MARCHF10: variants seen among roughly 807,000 people sequenced by gnomAD.
MARCHF10 encodes the protein membrane associated ring-CH-type finger 10, also known as probable E3 ubiquitin-protein ligase MARCHF10.
MARCHF10 carries 64 observed loss-of-function variants against 76.2 expected under a neutral mutation model. The ratio of observed to expected loss-of-function variants is 0.84; its 90% CI spans 0.69 to 1.03. The LOEUF is 1.03. MARCHF10 is among the 50% of genes least tolerant of loss of function. The pLI is 0.00. For missense variants in MARCHF10, 875 were observed against 958.0 expected, an observed-to-expected ratio of 0.91 and a Z score of 1.14; for synonymous variants, 340 against 357.5, an observed-to-expected ratio of 0.95 and a Z score of 0.55.
chr17:62,742,704 C>CT (rs1236454033), intron 5 of MARCHF10, among the ~76,000 whole-genome samples: 1,716 of 36,990 alleles, frequency 0.046, 32 homozygotes, highest in African/African-American at 0.08. Flanking sequence ...TTTCTTTTTT[C>CT]TTTTTTTTTT....
At chr17:62,777,600 T>A (rs1008049661) in intron 3 of MARCHF10, among the ~76,000 whole-genome samples, 3 of 149,392 alleles carry the variant, frequency 2.0e-5, no homozygotes, top group African/African-American at 7.4e-5. Flanking sequence ...GTGCCTGTAA[T>A]CCCAGATACT....
rs2089534060 is a variant in MARCHF10, at chr17:62,705,598, A to G, written c.2329-17T>C. 6.2e-7 allele frequency: 1 copy of G among 1,613,036 alleles called. No homozygotes were observed. The highest frequency in any genetic ancestry group is 1.1e-5 in the South Asian group (1 of 90,990). The stretch of plus-strand genomic sequence containing the variant: ...TCTTGACAACTACAAGAAAGAAGAC[A>G]ATGAGAAATGAATTGTTTTTTCCAA... On this transcript the variant is annotated splice_polypyrimidine_tract_variant and intron_variant, in intron 9 of 10. Transcript: ENST00000311269.
chr17:62,726,104 C>T (rs1346897845), intron 6 of MARCHF10: 2 of 152,170 alleles, frequency 1.3e-5, no homozygotes, highest in East Asian at 3.8e-4. Flanking sequence ...ATCAGCATTC[C>T]AGAATGTAAG....
rs537088022 is a variant in MARCHF10 at position 62,781,071 on chromosome 17, A to G, written c.210+7409T>C. ...TGCTTTTTAGTCTACTAAATTACCC[A>G]CTTTCTAGTGGGTTATGCAGAGCCA... On this transcript the variant is annotated intron_variant, in intron 3 of 10. Transcript: ENST00000311269. The G allele has an allele frequency of 2.0e-5, 3 of 152,036 alleles. No homozygotes were observed. In the East Asian group the frequency reaches 5.8e-4, roughly 29 times the overall value. 9.4% of individuals were successfully genotyped at this position (152,036 alleles called of 1,614,324 possible).
rs1254941346 is a variant in MARCHF10 at position 62,738,129 on chromosome 17, G to A, written c.536-797C>T. On this transcript the variant is annotated intron_variant, in intron 5 of 10. Coordinates refer to ENST00000311269, the MANE Select transcript of MARCHF10 (RefSeq NM_152598.4). This position sits in a 1 kb window ranked among gnomAD's most constrained non-coding sequence, Gnocchi z 4.0. ...TAAGCCTCACAACCCTGTGAAATAG[G>A]TAACACAATCATACGACATTATAAC... Among the ~76,000 whole-genome samples, 7 of 139,818 alleles carry A rather than the reference G, an allele frequency of 5.0e-5. No homozygotes were observed. The East Asian group carries it at 1.3e-3, about 25-fold the overall frequency. The allele number at this position is 139,818 out of a possible 152,430, so 91.7% of individuals were successfully genotyped here.
chr17:62,769,378 T>G (rs1219937409), intron 3 of MARCHF10, among the ~76,000 whole-genome samples: 3 of 152,204 alleles, frequency 2.0e-5, no homozygotes, highest in Non-Finnish European at 4.4e-5. Flanking sequence ...ATAATTACAT[T>G]GGGGTAGCAA....
intron 4 of MARCHF10, among the ~76,000 whole-genome samples, chr17:62,754,176 G>A (rs780089050): frequency 1.3e-5 from 2 of 152,112 alleles, no homozygotes; most frequent in Non-Finnish European, 2.9e-5. Flanking sequence ...GGGTTCAAGC[G>A]ATTCTCGTAC....
At chr17:62,760,541 T>A (rs1160814672) in intron 3 of MARCHF10, among the ~76,000 whole-genome samples, 1 of 152,222 alleles carries the variant, frequency 6.6e-6, no homozygotes, top group East Asian at 1.9e-4. Flanking sequence ...TTGTCACTCT[T>A]CTATAAAGAA....
intron 3 of MARCHF10, among the ~76,000 whole-genome samples, chr17:62,771,557 T>G (rs989649957): frequency 1.3e-5 from 2 of 150,458 alleles, no homozygotes; most frequent in Non-Finnish European, 2.9e-5. Flanking sequence ...TGGACTGAGC[T>G]CTGCTTGTCA....
intron 2 of MARCHF10, among the ~76,000 whole-genome samples, chr17:62,791,124 CA>C (rs1247744863): frequency 6.6e-6 from 1 of 152,098 alleles, no homozygotes; most frequent in East Asian, 1.9e-4. Context: ...ACAAAACAAA[CA>C]AAAAACACCC....
chr17:62,747,333 T>C (rs2091742177), intron 4 of MARCHF10, among the ~76,000 whole-genome samples: 1 of 152,234 alleles, frequency 6.6e-6, no homozygotes. Context: ...AAAAAACTGC[T>C]TTCTTCAAAG....
chr17:62,775,461 A>G (rs1345714533), intron 3 of MARCHF10, among the ~76,000 whole-genome samples: 17 of 151,712 alleles, frequency 1.1e-4, no homozygotes, highest in Admixed American at 9.8e-4. Context: ...GTTTTGAACT[A>G]CAGACATTTG....
chr17:62,801,817 T>C, intron 1 of MARCHF10, 65 bp from the exon 2 acceptor site: 1 of 1,159,362 alleles, frequency 8.6e-7, no homozygotes, highest in Non-Finnish European at 1.3e-6. Context: ...GTATTTGGAT[T>C]TATTTTCATC....
intron 1 of MARCHF10, chr17:62,805,145 C>G (rs970773694): frequency 6.6e-6 from 1 of 152,172 alleles, no homozygotes; most frequent in East Asian, 1.9e-4. Context: ...AAACTACAAT[C>G]CAATGTGTAT....
chr17:62,803,377 A>G (rs2093109294), intron 1 of MARCHF10, among the ~76,000 whole-genome samples: 1 of 152,162 alleles, frequency 6.6e-6, no homozygotes, highest in South Asian at 2.1e-4. Context: ...GGTAGAGTAA[A>G]ACAAAGAAGT....
intron 8 of MARCHF10, among the ~76,000 whole-genome samples, chr17:62,718,859 T>C (rs1232425277): frequency 6.6e-6 from 1 of 152,094 alleles, no homozygotes; most frequent in Non-Finnish European, 1.5e-5. Flanking sequence ...CTTCTCTTCC[T>C]CTCTTCTTTT....
At chr17:62,739,096 C>T (rs144833860) in intron 5 of MARCHF10, among the ~76,000 whole-genome samples, 1,878 of 152,222 alleles carry the variant, frequency 0.012, 16 homozygotes, top group Non-Finnish European at 0.016. Context: ...GTCAGGAGTT[C>T]AAGACCAGCC....
At chr17:62,759,299 A>G (rs1419119124) in intron 4 of MARCHF10, among the ~76,000 whole-genome samples, 1 of 152,208 alleles carries the variant, frequency 6.6e-6, no homozygotes, top group Non-Finnish European at 1.5e-5. Flanking sequence ...CACACAAATG[A>G]CTGGGCAGAA....
chr17:62,806,097 G>A (rs2093160044), intron 1 of MARCHF10, among the ~76,000 whole-genome samples: 1 of 152,094 alleles, frequency 6.6e-6, no homozygotes, highest in Non-Finnish European at 1.5e-5. Flanking sequence ...CGGGAACCAA[G>A]AAAACGGTAT....
Sources: allele counts gnomAD v4.1 joint callset (sites outside exome capture counted in the v4.1 genomes callset), GRCh38; gene constraint gnomAD v4.1.1; non-coding constraint Gnocchi (gnomAD v3.1); transcripts MANE v1.5; gene names NCBI Gene and HGNC (gene_info 2026-07-23, HGNC 2026-07-21).